Variants in MDGA2 observed in about 807,000 individuals in gnomAD.
MDGA2 encodes MAM domain containing glycosylphosphatidylinositol anchor 2.
MDGA2 carries 40 observed loss-of-function variants against 117.8 expected under a neutral mutation model. The observed-to-expected ratio is 0.34, with a 90% CI of 0.26 to 0.44. The LOEUF (loss-of-function observed/expected upper bound fraction) is 0.44. MDGA2 is among the 20% of genes least tolerant of loss of function. MDGA2 has a pLI of 1.00. For missense variants in MDGA2, 1,123 were observed against 1,250.6 expected (o/e 0.90, Z 1.54); for synonymous variants, 452 against 439.0 (o/e 1.03, Z -0.37).
At chr14:47,188,491 C>G (rs775748428) in intron 3 of MDGA2, among the ~76,000 whole-genome samples, 2 of 152,166 alleles carry the variant, frequency 1.3e-5, no homozygotes, top group Non-Finnish European at 2.9e-5. Flanking sequence ...CCGAGTCAAA[C>G]TTCTCCTAGA....
intron 2 of MDGA2, among the ~76,000 whole-genome samples, chr14:47,226,439 C>T (rs1041468669): frequency 1.3e-5 from 2 of 151,954 alleles, no homozygotes; most frequent in African/African-American, 2.4e-5. Context: ...ATAGGTTTTC[C>T]GATCCTTTTT....
At chr14:47,392,497 AT>A (rs1891919256) in intron 1 of MDGA2, among the ~76,000 whole-genome samples, 1 of 152,150 alleles carries the variant, frequency 6.6e-6, no homozygotes, top group Admixed American at 6.5e-5. Context: ...AGAAAAATCT[AT>A]GTTTATTCAA....
intron 1 of MDGA2, among the ~76,000 whole-genome samples, chr14:47,332,708 T>C (rs1490647373): frequency 2.0e-5 from 3 of 151,970 alleles, no homozygotes; most frequent in Non-Finnish European, 2.9e-5. Context: ...TTTTGTTACA[T>C]GGGTATATTG....
chr14:47,343,523 C>T lies in MDGA2; in HGVS notation c.281-41973G>A, dbSNP rs1308670079. 3.3e-5 allele frequency among the ~76,000 whole-genome samples: 5 copies of T among 152,160 alleles called. No homozygotes were observed. In the East Asian group the frequency reaches 7.7e-4, roughly 23 times the overall value. On this transcript the variant is annotated intron_variant, in intron 1 of 16. Transcript: ENST00000399232. ...CCCTTAATGGTTTTCACGATGGCTT[C>T]TTTTTAGCTTTATCTTCAGTTGATA...
chr14:47,621,020 A>C (rs1298053652), intron 1 of MDGA2, among the ~76,000 whole-genome samples: 1 of 152,192 alleles, frequency 6.6e-6, no homozygotes, highest in African/African-American at 2.4e-5. Flanking sequence ...AAATATTTGG[A>C]GATTACTTAA....
chr14:47,243,927 G>A (rs1887154549), intron 2 of MDGA2, among the ~76,000 whole-genome samples: 1 of 151,704 alleles, frequency 6.6e-6, no homozygotes, highest in South Asian at 2.1e-4. Flanking sequence ...CTTAGTTTAT[G>A]GCTTTGTAAA....
chr14:47,091,367 A>G (rs1879646596), intron 6 of MDGA2, among the ~76,000 whole-genome samples: 1 of 152,166 alleles, frequency 6.6e-6, no homozygotes. Context: ...ATTAAAAAGC[A>G]GACAATAAGT....
intron 10 of MDGA2, among the ~76,000 whole-genome samples, chr14:46,899,542 A>G (rs1448825950): frequency 6.6e-6 from 1 of 152,070 alleles, no homozygotes; most frequent in African/African-American, 2.4e-5. Flanking sequence ...TCACCAAAAG[A>G]ATATGCACTC....
chr14:47,265,975 C>T (rs753292149), intron 2 of MDGA2, among the ~76,000 whole-genome samples: 10 of 152,062 alleles, frequency 6.6e-5, no homozygotes, highest in Admixed American at 2.0e-4. Context: ...ACAACTAATG[C>T]TATTGATTGC....
At chr14:47,540,563 T>TACACACAC (rs1555330674) in intron 1 of MDGA2, among the ~76,000 whole-genome samples, 11 of 112,532 alleles carry the variant, frequency 9.8e-5, no homozygotes, top group African/African-American at 2.9e-4. Flanking sequence ...TGTATATATA[T>TACACACAC]ACACACACAC....
intron 1 of MDGA2, among the ~76,000 whole-genome samples, chr14:47,302,871 A>C (rs1401580619): frequency 2.0e-5 from 3 of 152,152 alleles, no homozygotes; most frequent in African/African-American, 7.2e-5. Context: ...AAACTGGAAG[A>C]TGGAAAAGAC....
intron 1 of MDGA2, among the ~76,000 whole-genome samples, chr14:47,491,455 A>C (rs985395949): frequency 6.6e-6 from 1 of 152,148 alleles, no homozygotes; most frequent in African/African-American, 2.4e-5. Context: ...GCACCAAGAT[A>C]TCAACAATAA....
In MDGA2 at chr14:46,936,700, G is replaced by A. The variant is rs139065063; in HGVS notation, c.2090-16540C>T. On this transcript the variant is annotated intron_variant, in intron 9 of 16. Transcript: ENST00000399232. Reference sequence around the variant, plus strand: ...TATGATCATCTCAATAGACACAGAAGAAGCATTTGATAAAATTGAACATTC... The same window carrying A: ...TATGATCATCTCAATAGACACAGAAAAAGCATTTGATAAAATTGAACATTC... 1.7e-3 allele frequency among the ~76,000 whole-genome samples: 259 copies of A among 151,548 alleles called. 1 individual carries two copies. Among genetic ancestry groups the A allele is most frequent in the African/African-American group, 5.9e-3 (243 of 41,344 alleles).
chr14:47,219,456 A>G (rs1886218865), intron 2 of MDGA2, among the ~76,000 whole-genome samples: 1 of 152,080 alleles, frequency 6.6e-6, no homozygotes, highest in Admixed American at 6.5e-5. Context: ...AAAGATGCAA[A>G]TGGCATAATT....
chr14:47,629,231 TTAAA>T (rs1384573639), intron 1 of MDGA2, among the ~76,000 whole-genome samples: 1 of 152,214 alleles, frequency 6.6e-6, no homozygotes, highest in Non-Finnish European at 1.5e-5. Context: ...CATGCTATTA[TTAAA>T]TAAGTTACTA....
chr14:47,181,613 G>T lies in MDGA2; in HGVS notation c.595+36408C>A, dbSNP rs188615016. ...AGCTTGTGATTTTTTAGAAACAAGG[G>T]TTTACTACTTCTCACTTCAGATTCA... On this transcript the variant is annotated intron_variant, in intron 3 of 16. Coordinates refer to ENST00000399232, the MANE Select transcript of MDGA2 (RefSeq NM_001113498.3). 5.9e-5 allele frequency among the ~76,000 whole-genome samples: 9 copies of T among 152,276 alleles called. No individual in the cohort carries two copies. In the East Asian group the frequency reaches 1.3e-3, roughly 23 times the overall value.
chr14:47,203,094 C>G (rs775901869), intron 3 of MDGA2, among the ~76,000 whole-genome samples: 1 of 151,914 alleles, frequency 6.6e-6, no homozygotes, highest in Non-Finnish European at 1.5e-5. Context: ...AATTACAGAT[C>G]CTATCACGAA....
intron 9 of MDGA2, among the ~76,000 whole-genome samples, chr14:46,921,104 A>T (rs1327461088): frequency 6.6e-6 from 1 of 152,196 alleles, no homozygotes; most frequent in Non-Finnish European, 1.5e-5. Context: ...ATTTAATAAT[A>T]CAACAATATT....
chr14:47,415,437 T>G (rs1594845816), intron 1 of MDGA2, among the ~76,000 whole-genome samples: 1 of 151,966 alleles, frequency 6.6e-6, no homozygotes, highest in African/African-American at 2.4e-5. Context: ...CATGGCAGAG[T>G]AGGATAAAAT....
Sources: allele counts gnomAD v4.1 joint callset (sites outside exome capture counted in the v4.1 genomes callset), GRCh38; gene constraint gnomAD v4.1.1; transcripts MANE v1.5; gene names NCBI Gene and HGNC (gene_info 2026-07-23, HGNC 2026-07-21).